Variants in PPP1R12B observed in about 807,000 individuals in gnomAD.
PPP1R12B encodes the protein myosin phosphatase target subunit 2.
PPP1R12B carries 76 observed loss-of-function variants against 126.1 expected under a neutral mutation model. The observed-to-expected ratio is 0.60, with a 90% CI of 0.50 to 0.73. The LOEUF is 0.73. Ranked by LOEUF, PPP1R12B falls within the 30% of genes least tolerant of loss-of-function variation. The probability of loss-of-function intolerance (pLI) is 0.00; values close to 1 mark genes in which losing one functional copy is unlikely to be tolerated. For synonymous variants in PPP1R12B, 356 were observed against 434.7 expected (o/e 0.82, Z 2.25); for missense variants, 1,052 against 1,205.1 (o/e 0.87, Z 1.88).
chr1:202,562,574 A>G (rs191031300), intron 19 of PPP1R12B: 20 of 740,558 alleles, frequency 2.7e-5, no homozygotes, highest in Admixed American at 2.6e-4. Context: ...AATGATGGTC[A>G]GCCTCCCTCT....
Position 202,422,619 on chromosome 1 carries a change from G to A in PPP1R12B, c.423-1G>A. ...ATTGATCCTGGATCTTGTCTACGCAGGTATTTCATTAATCACGGAGCCAGT... is the reference window on the plus strand; with the variant it reads ...ATTGATCCTGGATCTTGTCTACGCAAGTATTTCATTAATCACGGAGCCAGT... On this transcript the variant is annotated splice_acceptor_variant, in intron 2 of 23. Transcript: ENST00000608999. LOFTEE classifies it high-confidence loss of function. 1.2e-6 allele frequency: 2 copies of A among 1,613,108 alleles called. No individual in the cohort carries two copies. The highest frequency in any genetic ancestry group is 8.5e-7 in the Non-Finnish European group (1 of 1,179,194).
chr1:202,357,242 C>T (rs1201313313), intron 1 of PPP1R12B, among the ~76,000 whole-genome samples: 1 of 152,112 alleles, frequency 6.6e-6, no homozygotes, highest in Non-Finnish European at 1.5e-5. Flanking sequence ...GAAACTAATA[C>T]AGAGAAGAAC....
At chr1:202,517,015 A>G (rs1472081538) in intron 18 of PPP1R12B, among the ~76,000 whole-genome samples, 2 of 152,152 alleles carry the variant, frequency 1.3e-5, no homozygotes, top group Non-Finnish European at 2.9e-5. Context: ...TTCTGTGTCT[A>G]GCTTACTTGT....
intron 2 of PPP1R12B, chr1:202,417,298 C>T (rs1206014302): frequency 1.0e-6 from 1 of 985,096 alleles, no homozygotes; most frequent in African/African-American, 1.7e-5. Flanking sequence ...TTAAAAAAAT[C>T]AGTGCTTAGT....
At chr1:202,494,456 T>C (rs1162041589) in intron 15 of PPP1R12B, among the ~76,000 whole-genome samples, 3 of 151,900 alleles carry the variant, frequency 2.0e-5, no homozygotes, top group Admixed American at 6.6e-5. Context: ...TCTTTATAAA[T>C]CACAAAAATG....
chr1:202,481,248 C>T (rs1677324600), intron 13 of PPP1R12B, among the ~76,000 whole-genome samples: 2 of 152,276 alleles, frequency 1.3e-5, no homozygotes, highest in South Asian at 4.1e-4. Flanking sequence ...GGGTTGGGGA[C>T]CCCTGTTTTA....
intron 18 of PPP1R12B, among the ~76,000 whole-genome samples, chr1:202,547,284 A>C (rs1004237775): frequency 8.5e-5 from 13 of 152,222 alleles, no homozygotes; most frequent in Admixed American, 8.5e-4. Context: ...GGAAACAATC[A>C]AAGTTGCCTT....
At chr1:202,548,236 C>A (rs2028669) in intron 18 of PPP1R12B, among the ~76,000 whole-genome samples, 62,429 of 152,014 alleles carry the variant, frequency 0.41, 14,773 homozygotes, top group East Asian at 0.7. Flanking sequence ...TACCAGTATC[C>A]CTGACTATTG....
intron 13 of PPP1R12B, among the ~76,000 whole-genome samples, chr1:202,464,601 G>A (rs1355612961): frequency 6.6e-6 from 1 of 152,142 alleles, no homozygotes; most frequent in Non-Finnish European, 1.5e-5. Context: ...TGCAAGAGAG[G>A]ATACCTAGTT....
intron 13 of PPP1R12B, among the ~76,000 whole-genome samples, chr1:202,455,815 T>C (rs115598629): frequency 6.6e-6 from 1 of 152,346 alleles, no homozygotes; most frequent in Non-Finnish European, 1.5e-5. Context: ...TTTAAAGTTC[T>C]GACTTTTAAA....
At chr1:202,504,674 T>G (rs1322721059) in intron 18 of PPP1R12B, among the ~76,000 whole-genome samples, 1 of 152,228 alleles carries the variant, frequency 6.6e-6, no homozygotes, top group East Asian at 1.9e-4. Context: ...TTATATCTGT[T>G]ATATCTCTTA....
chr1:202,567,178 C>T (rs1688127939), intron 21 of PPP1R12B, among the ~76,000 whole-genome samples: 1 of 152,134 alleles, frequency 6.6e-6, no homozygotes, highest in South Asian at 2.1e-4. Flanking sequence ...AAGTGGACTA[C>T]CTCTGTTCAA....
chr1:202,450,495 A>G (rs1439462592), intron 13 of PPP1R12B, among the ~76,000 whole-genome samples: 1 of 152,266 alleles, frequency 6.6e-6, no homozygotes, highest in Non-Finnish European at 1.5e-5. Context: ...GACTAAGGCT[A>G]TAATTATCCC....
chr1:202,564,284 G>A (rs934939935), intron 20 of PPP1R12B, among the ~76,000 whole-genome samples, 159 bp from the exon 21 acceptor site: 1 of 152,174 alleles, frequency 6.6e-6, no homozygotes, highest in Non-Finnish European at 1.5e-5. Context: ...AAAAGCAAGA[G>A]ACCAGTTGGC....
chr1:202,352,944 T>C (rs559668663), intron 1 of PPP1R12B, among the ~76,000 whole-genome samples: 1 of 152,256 alleles, frequency 6.6e-6, no homozygotes, highest in South Asian at 2.1e-4. Flanking sequence ...GGTCCAAATT[T>C]GGACCCTCAA....
chr1:202,531,043 T>C (rs1057245481), intron 18 of PPP1R12B, among the ~76,000 whole-genome samples: 2 of 152,234 alleles, frequency 1.3e-5, no homozygotes, highest in African/African-American at 4.8e-5. Context: ...GTTATCATTA[T>C]TGATCTTCTC....
At chr1:202,559,013 T>C (rs1687249045) in intron 19 of PPP1R12B, 120 bp downstream of exon 19, 9 of 1,056,850 alleles carry the variant, frequency 8.5e-6, no homozygotes, top group South Asian at 3.8e-5. Flanking sequence ...ATCCTTTTCA[T>C]TTCCACAGCC....
chr1:202,518,289 G>A (rs886408311), intron 18 of PPP1R12B, among the ~76,000 whole-genome samples: 1 of 152,142 alleles, frequency 6.6e-6, no homozygotes, highest in Non-Finnish European at 1.5e-5. Context: ...AACAGATTTA[G>A]CTCGTTTAGC....
intron 19 of PPP1R12B, among the ~76,000 whole-genome samples, chr1:202,560,687 G>A (rs886283019): frequency 1.3e-5 from 2 of 152,128 alleles, no homozygotes; most frequent in South Asian, 2.1e-4. Flanking sequence ...GACTTAAAAC[G>A]CCTTAACCGT....
Sources: allele counts gnomAD v4.1 joint callset (sites outside exome capture counted in the v4.1 genomes callset), GRCh38; gene constraint gnomAD v4.1.1; transcripts MANE v1.5; gene names NCBI Gene and HGNC (gene_info 2026-07-23, HGNC 2026-07-21).